The following TMEM178B variants were observed in gnomAD, a reference collection of about 807,000 sequenced individuals.
TMEM178B encodes the protein transmembrane protein 178B.
TMEM178B carries 5 observed loss-of-function variants against 31.0 expected under a neutral mutation model. The ratio of observed to expected loss-of-function variants is 0.16; its 90% confidence interval spans 0.08 to 0.34. TMEM178B has a LOEUF of 0.34. Among genes scored for constraint, TMEM178B ranks in the 10% least tolerant of loss-of-function variants. TMEM178B has a pLI of 1.00. For missense variants in TMEM178B, 275 were observed against 400.3 expected, an observed-to-expected ratio of 0.69 and a Z score of 2.67; for synonymous variants, 164 against 164.0, an observed-to-expected ratio of 1.00 and a Z score of 0.00.
chr7:141,239,380 G>A (rs561188980), intron 2 of TMEM178B, among the ~76,000 whole-genome samples: 68 of 152,258 alleles, frequency 4.5e-4, no homozygotes, highest in African/African-American at 1.4e-3. Flanking sequence ...TGCAGCAAAC[G>A]TCTCAGTCAT....
chr7:141,084,396 G>A (rs1297345870), intron 1 of TMEM178B, among the ~76,000 whole-genome samples: 1 of 152,190 alleles, frequency 6.6e-6, no homozygotes, highest in Non-Finnish European at 1.5e-5. Flanking sequence ...ACAATGCCAG[G>A]CACATTACTT....
rs1025436964 is a variant in TMEM178B, at chr7:141,304,030, G to C, written c.496+91326G>C. 2.0e-5 allele frequency among the ~76,000 whole-genome samples: 3 copies of C among 152,158 alleles called. No individual in the cohort carries two copies. The East Asian group carries it at 5.8e-4, about 29-fold the overall frequency. ...CCAGATTTCAATCAATCAGGTTTTT[G>C]GATGTAAATTTCCAGATTCTTTCAG... On this transcript the variant is annotated intron_variant, in intron 2 of 3. Transcript: ENST00000565468.
chr7:141,155,611 C>T (rs754166080), intron 1 of TMEM178B, among the ~76,000 whole-genome samples: 10 of 152,192 alleles, frequency 6.6e-5, no homozygotes, highest in Non-Finnish European at 1.3e-4. Context: ...GGTATGTGTG[C>T]TCAGCCATCC....
chr7:141,232,690 A>C (rs911766783), intron 2 of TMEM178B, among the ~76,000 whole-genome samples: 5 of 152,354 alleles, frequency 3.3e-5, no homozygotes, highest in South Asian at 4.1e-4. Flanking sequence ...TTAGAGGCTC[A>C]GCTTCCTTAC....
intron 2 of TMEM178B, among the ~76,000 whole-genome samples, chr7:141,350,896 A>G (rs971988715): frequency 6.6e-6 from 1 of 152,214 alleles, no homozygotes; most frequent in African/African-American, 2.4e-5. Flanking sequence ...AAACTATAGA[A>G]GTCGTGTCTA....
intron 2 of TMEM178B, among the ~76,000 whole-genome samples, chr7:141,292,582 C>T (rs974670286): frequency 3.3e-5 from 5 of 152,030 alleles, no homozygotes; most frequent in Admixed American, 3.3e-4. Context: ...CAGCTTCTTC[C>T]CCATATTTCA....
chr7:141,099,424 A>G (rs1361973041), intron 1 of TMEM178B, among the ~76,000 whole-genome samples: 2 of 152,208 alleles, frequency 1.3e-5, no homozygotes, highest in Non-Finnish European at 2.9e-5. Flanking sequence ...ACTTTCTTAC[A>G]TGTCTGGGTC....
downstream of TMEM178B, among the ~76,000 whole-genome samples, chr7:141,481,034 C>T (rs192334378): frequency 6.7e-4 from 102 of 152,300 alleles, no homozygotes; most frequent in Non-Finnish European, 1.0e-3. Context: ...CAAGAAGAAA[C>T]GCGTGGCTGA....
intron 2 of TMEM178B, among the ~76,000 whole-genome samples, chr7:141,403,041 ATT>A (rs1800814621): frequency 6.6e-6 from 1 of 152,156 alleles, no homozygotes; most frequent in South Asian, 2.1e-4. Flanking sequence ...TATAAATTTC[ATT>A]TGCCCTGAGT....
At chr7:141,208,694 C>A (rs2129187352) in intron 1 of TMEM178B, among the ~76,000 whole-genome samples, 1 of 152,292 alleles carries the variant, frequency 6.6e-6, no homozygotes, top group South Asian at 2.1e-4. Flanking sequence ...CTTGCTCTTG[C>A]TGAATGTCAA....
chr7:141,502,578 C>A, the TMEM178B span, among the ~76,000 whole-genome samples: 1 of 152,140 alleles, frequency 6.6e-6, no homozygotes, highest in African/African-American at 2.4e-5. Flanking sequence ...CGAGACCAGC[C>A]TGACCAATAT....
chr7:141,242,500 G>C (rs947663509), intron 2 of TMEM178B, among the ~76,000 whole-genome samples: 1 of 149,964 alleles, frequency 6.7e-6, no homozygotes, highest in Non-Finnish European at 1.5e-5. Context: ...GTGTGTGTGT[G>C]TGTGTGTGTT....
At chr7:141,141,086 A>G (rs1477152732) in intron 1 of TMEM178B, among the ~76,000 whole-genome samples, 4 of 152,192 alleles carry the variant, frequency 2.6e-5, no homozygotes, top group Non-Finnish European at 5.9e-5. Flanking sequence ...ATTTTTCTGC[A>G]TAACAAATTT....
chr7:141,104,470 T>C (rs1795108370), intron 1 of TMEM178B, among the ~76,000 whole-genome samples: 1 of 152,192 alleles, frequency 6.6e-6, no homozygotes, highest in African/African-American at 2.4e-5. Context: ...CAATTTGGCA[T>C]TCAGAGTTTT....
intron 2 of TMEM178B, among the ~76,000 whole-genome samples, chr7:141,403,213 C>T (rs191111938): frequency 1.6e-3 from 245 of 152,266 alleles, no homozygotes; most frequent in Non-Finnish European, 2.7e-3. Context: ...TTCATGCAGC[C>T]GGCCATGTGT....
intron 1 of TMEM178B, among the ~76,000 whole-genome samples, chr7:141,141,443 G>A (rs1443712838): frequency 6.6e-6 from 1 of 152,178 alleles, no homozygotes; most frequent in Non-Finnish European, 1.5e-5. Context: ...TGCCAGGTAT[G>A]CCCATGGCTA....
rs1427615550 is a variant in TMEM178B at position 141,074,444 on chromosome 7, C to G, written c.134C>G (p.Ala45Gly). 1 of 1,536,006 alleles carries G rather than the reference C, an allele frequency of 6.5e-7. No individual in the cohort carries two copies. Among genetic ancestry groups the G allele is most frequent in the Non-Finnish European group, 8.7e-7 (1 of 1,146,880 alleles). Reference sequence around the variant, plus strand: ...AGGAAGCACAGGGACAGGTGCAAGGCCTTCAACACCCGCCGGGTCGACCCC... The same window carrying G: ...AGGAAGCACAGGGACAGGTGCAAGGGCTTCAACACCCGCCGGGTCGACCCC... The part of the protein sequence containing the change: ...DARKHRDRCK[A>G]FNTRRVDPGF... Residue 45 changes from alanine (A) to glycine (G), a missense_variant, in exon 1 of 4, where the codon GCC becomes GGC. Ala to Gly is a moderately conservative substitution (Grantham distance 60). Transcript: ENST00000565468. This position sits in a 1 kb window ranked among gnomAD's most constrained non-coding sequence, Gnocchi z 5.1.
chr7:141,427,649 A>AT lies in TMEM178B; in HGVS notation c.497-9950dup, dbSNP rs950592888. 8.6e-5 allele frequency among the ~76,000 whole-genome samples: 13 copies of AT among 151,852 alleles called. No individual in the cohort carries two copies. The South Asian group carries it at 1.0e-3, about 12-fold the overall frequency. On this transcript the variant is annotated intron_variant, in intron 2 of 3. Transcript: ENST00000565468. ...TTTCATGACATTGGTCTGGGCAAGG[A>AT]TTTTTTTTTATATGAGACCTCAAAA...
intron 1 of TMEM178B, among the ~76,000 whole-genome samples, chr7:141,094,158 G>T (rs145359600): frequency 1.3e-5 from 2 of 152,106 alleles, no homozygotes; most frequent in Non-Finnish European, 2.9e-5. Flanking sequence ...GGATAGGGTT[G>T]AAGTAGGAAG....
Sources: allele counts gnomAD v4.1 joint callset (sites outside exome capture counted in the v4.1 genomes callset), GRCh38; gene constraint gnomAD v4.1.1; non-coding constraint Gnocchi (gnomAD v3.1); transcripts MANE v1.5; gene names NCBI Gene and HGNC (gene_info 2026-07-23, HGNC 2026-07-21).